The following PANK4 variants were observed in gnomAD, a reference collection of about 807,000 sequenced individuals.
PANK4 encodes the protein pantothenate kinase 4 (inactive), also known as 4'-phosphopantetheine phosphatase.
In PANK4, 40 loss-of-function variants were observed where a neutral mutation model predicts 87.9. The observed-to-expected ratio is 0.46, with a 90% CI of 0.35 to 0.59. PANK4 has a LOEUF of 0.59. Ranked by LOEUF, PANK4 falls within the 20% of genes least tolerant of loss-of-function variation. The pLI is 0.00. For synonymous variants in PANK4, 524 were observed against 467.4 expected (o/e 1.12, Z -1.56); for missense variants, 926 against 1,072.3 (o/e 0.86, Z 1.90).
At chr1:2,516,714 C>T (rs560432009) in intron 9 of PANK4, among the ~76,000 whole-genome samples, 10 of 152,338 alleles carry the variant, frequency 6.6e-5, no homozygotes, top group Admixed American at 3.9e-4. Context: ...AGAAGCTCCA[C>T]GTGGAAAAAG....
Position 2,515,796 on chromosome 1 carries a change from T to C in PANK4, c.1219-79A>G. On this transcript the variant is annotated intron_variant, in intron 9 of 18. Coordinates refer to ENST00000378466, the MANE Select transcript of PANK4 (RefSeq NM_018216.4). This position sits in a 1 kb window ranked among gnomAD's most constrained non-coding sequence, Gnocchi z 5.0. ...AAGCCACACTCAGAAGCTTCCACTC[T>C]CTCTCTAAGAAGGGAGATGTACTGC... 6.6e-6 allele frequency: 9 copies of C among 1,361,050 alleles called. No individual in the cohort carries two copies. The highest frequency in any genetic ancestry group is 9.2e-6 in the Non-Finnish European group (9 of 977,856). The allele number at this position is 1,361,050 out of a possible 1,614,324, so 84.3% of individuals were successfully genotyped here.
chr1:2,514,018 G>A lies in PANK4; in HGVS notation c.1559C>T (p.Pro520Leu). Residue 520 changes from proline to leucine, a missense_variant, in exon 12 of 19, where the codon CCG becomes CTG. Physicochemically the swap from Pro to Leu is moderately conservative, Grantham distance 98. Transcript: ENST00000378466. The stretch of plus-strand genomic sequence containing the variant: ...TGCACTTACTTTGGAGTAGGGATCC[G>A]GGAAGTTGAACTCGTTCAGACAGTG... ...REHCLNEFNF[P>L]DPYSKVKQRE... The A allele has an allele frequency of 5.0e-6, 8 of 1,612,024 alleles. No individual in the cohort carries two copies. Among genetic ancestry groups the A allele is most frequent in the Non-Finnish European group, 6.8e-6 (8 of 1,179,126 alleles).
At chr1:2,516,742 C>T (rs1557442184) in intron 9 of PANK4, among the ~76,000 whole-genome samples, 1 of 152,260 alleles carries the variant, frequency 6.6e-6, no homozygotes, top group Non-Finnish European at 1.5e-5. Flanking sequence ...CTTCCCAAAG[C>T]CAGTGCAGAA....
chr1:2,519,236 G>A lies in PANK4; in HGVS notation c.942C>T (p.His314=), dbSNP rs1368778222. 1.9e-6 allele frequency: 3 copies of A among 1,612,800 alleles called. No homozygotes were observed. Among genetic ancestry groups the A allele is most frequent in the Non-Finnish European group, 2.5e-6 (3 of 1,179,872 alleles). ...GQLACLHARL[H]SLDRVYFGGF... ...CTCCAAAGTACACGCGGTCCAGGCT[G>A]TGCAGCCGTGCGTGGAGGCAGGCCA... The change falls in exon 7 of 19, where the codon CAC becomes CAT. Residue 314 remains histidine, a synonymous_variant. Transcript: ENST00000378466. This position sits in a 1 kb window ranked among gnomAD's most constrained non-coding sequence, Gnocchi z 8.3.
At chr1:2,514,312 G>T (rs752616782) in intron 11 of PANK4, 42 bp downstream of exon 11, 3 of 1,446,380 alleles carry the variant, frequency 2.1e-6, no homozygotes, top group African/African-American at 1.4e-5. Context: ...GGGGCCCTCT[G>T]GATGGAAGAG....
intron 12 of PANK4, 79 bp from the exon 13 acceptor site, chr1:2,513,118 T>A: frequency 6.9e-7 from 1 of 1,449,936 alleles, no homozygotes; most frequent in South Asian, 1.3e-5. Flanking sequence ...GCGCAGCCTG[T>A]TCCATACCAC....
At chr1:2,511,862 A>G (rs370549880) in intron 13 of PANK4, among the ~76,000 whole-genome samples, 179 bp from the exon 14 acceptor site, 29 of 151,188 alleles carry the variant, frequency 1.9e-4, no homozygotes, top group African/African-American at 6.6e-4. Flanking sequence ...ACCCCAAATC[A>G]CTCCCAGGCA....
chr1:2,512,890 A>C lies in PANK4; in HGVS notation c.1725T>G (p.Ser575=). 3.1e-6 allele frequency: 5 copies of C among 1,612,744 alleles called. No homozygotes were observed. Among genetic ancestry groups the C allele is most frequent in the Non-Finnish European group, 4.2e-6 (5 of 1,179,828 alleles). Residue 575 remains serine, a splice_region_variant and synonymous_variant, in exon 13 of 19, where the codon TCT becomes TCG. Coordinates refer to ENST00000378466, the MANE Select transcript of PANK4 (RefSeq NM_018216.4). The part of the protein sequence containing the change: ...NVFDWGAKAV[S]AVLESDPYFG... ...GCTCCGAGCCCGCAGACACCTACGC[A>C]GACACGGCTTTGGCCCCCCAGTCGA...
At chr1:2,511,747 A>T (rs1229767145) in intron 13 of PANK4, 64 bp from the exon 14 acceptor site, 1 of 969,288 alleles carries the variant, frequency 1.0e-6, no homozygotes, top group African/African-American at 1.6e-5. Flanking sequence ...CACAGTGCTC[A>T]ATGTGAAGAC....
At position 2,515,833 on chromosome 1, in the gene PANK4, A is replaced by G. The variant is rs1643761488; in HGVS notation, c.1219-116T>C. On this transcript the variant is annotated intron_variant, in intron 9 of 18. Coordinates refer to ENST00000378466, the MANE Select transcript of PANK4 (RefSeq NM_018216.4). This position sits in a 1 kb window ranked among gnomAD's most constrained non-coding sequence, Gnocchi z 5.0. ...GGGAGATGTACTGCCTTCTTCCGCC[A>G]CGTCTCTGGGCCACAGACGAGACCC... The G allele has an allele frequency of 9.4e-7, 1 of 1,069,152 alleles. No individual in the cohort carries two copies. The allele number at this position is 1,069,152 out of a possible 1,614,324, so 66.2% of individuals were successfully genotyped here.
chr1:2,515,809 G>GCAGTACATCTCCCTTCTTA lies in PANK4; in HGVS notation c.1219-93_1219-92insTAAGAAGGGAGATGTACTG. 2 of 1,253,172 alleles carry GCAGTACATCTCCCTTCTTA rather than the reference G, an allele frequency of 1.6e-6. No homozygotes were observed. Among genetic ancestry groups the GCAGTACATCTCCCTTCTTA allele is most frequent in the Non-Finnish European group, 2.3e-6 (2 of 888,002 alleles). The allele number at this position is 1,253,172 out of a possible 1,614,324, so 77.6% of individuals were successfully genotyped here. On this transcript the variant is annotated intron_variant, in intron 9 of 18. Coordinates refer to ENST00000378466, the MANE Select transcript of PANK4 (RefSeq NM_018216.4). This position sits in a 1 kb window ranked among gnomAD's most constrained non-coding sequence, Gnocchi z 5.0. ...AAGCTTCCACTCTCTCTCTAAGAAG[G>GCAGTACATCTCCCTTCTTA]GAGATGTACTGCCTTCTTCCGCCAC...
chr1:2,511,710 T>C, intron 13 of PANK4, 27 bp from the exon 14 acceptor site: 1 of 1,489,116 alleles, frequency 6.7e-7, no homozygotes, highest in Non-Finnish European at 9.4e-7. Flanking sequence ...AAAAGAAAAT[T>C]AAGACAACAG....
intron 14 of PANK4, 47 bp downstream of exon 14, chr1:2,511,581 A>G: frequency 7.3e-7 from 1 of 1,371,222 alleles, no homozygotes; most frequent in South Asian, 1.2e-5. Context: ...ACGTCCAGGC[A>G]TGGCCCCAGC....
chr1:2,520,573 C>T lies in PANK4; in HGVS notation c.606+150G>A, dbSNP rs562697020. 32 of 1,000,450 alleles carry T rather than the reference C, an allele frequency of 3.2e-5. No individual in the cohort carries two copies. The African/African-American group carries it at 4.2e-4, about 13-fold the overall frequency. The allele number at this position is 1,000,450 out of a possible 1,614,324, so 62.0% of individuals were successfully genotyped here. On this transcript the variant is annotated intron_variant, in intron 4 of 18. Transcript: ENST00000378466. The surrounding 1 kb of genome is among the most constrained non-coding windows in gnomAD (Gnocchi z 6.2). The stretch of plus-strand genomic sequence containing the variant: ...CAAGCCTGGGGGCGCTGATGCCCCT[C>T]CCACAGAGGCTCTGAGCTCACAGCC...
intron 9 of PANK4, among the ~76,000 whole-genome samples, chr1:2,517,834 G>A (rs548128803): frequency 1.3e-5 from 2 of 152,370 alleles, no homozygotes; most frequent in African/African-American, 4.8e-5. Context: ...CAACTCCAAA[G>A]TGGACGGGCC....
At position 2,520,524 on chromosome 1, in the gene PANK4, C is replaced by A; in HGVS notation, c.607-110G>T. 3.8e-6 allele frequency: 4 copies of A among 1,046,634 alleles called. No homozygotes were observed. The allele number at this position is 1,046,634 out of a possible 1,614,324, so 64.8% of individuals were successfully genotyped here. A position where few individuals can be genotyped will look rare whatever the true frequency, so the allele number is the denominator to read the frequency against. ...GGGTGAACCCCGCCCCCACCCCAAC[C>A]GCCAGTGGGAGGACTCTCATGGCCA... is the stretch of plus-strand genomic sequence containing the variant. On this transcript the variant is annotated intron_variant, in intron 4 of 18. Coordinates refer to ENST00000378466, the MANE Select transcript of PANK4 (RefSeq NM_018216.4). This position sits in a 1 kb window ranked among gnomAD's most constrained non-coding sequence, Gnocchi z 6.2.
chr1:2,524,278 T>C (rs1479252972), intron 1 of PANK4, among the ~76,000 whole-genome samples: 2 of 151,958 alleles, frequency 1.3e-5, no homozygotes, highest in Non-Finnish European at 1.5e-5. Flanking sequence ...TGAGCTTTCC[T>C]AGATCCAGAC....
chr1:2,517,684 T>C (rs1371000985), intron 9 of PANK4, among the ~76,000 whole-genome samples: 2 of 152,192 alleles, frequency 1.3e-5, no homozygotes, highest in Non-Finnish European at 2.9e-5. Context: ...GCAAACCCAC[T>C]GGGGATCCAA....
At chr1:2,513,076 C>T (rs368940785) in intron 12 of PANK4, 37 bp from the exon 13 acceptor site, 21 of 1,556,592 alleles carry the variant, frequency 1.3e-5, no homozygotes, top group South Asian at 9.5e-5. Context: ...TGAGTGAAGA[C>T]GTGGCCTCAG....
Sources: allele counts gnomAD v4.1 joint callset (sites outside exome capture counted in the v4.1 genomes callset), GRCh38; gene constraint gnomAD v4.1.1; non-coding constraint Gnocchi (gnomAD v3.1); transcripts MANE v1.5; gene names NCBI Gene and HGNC (gene_info 2026-07-23, HGNC 2026-07-21).